Variants in OTUD7B observed in about 807,000 individuals in gnomAD.
OTUD7B encodes OTU deubiquitinase 7B.
In OTUD7B, 34 loss-of-function variants were observed where a neutral mutation model predicts 82.2. That is an observed-to-expected ratio of 0.41 (90% CI 0.31 to 0.55). The LOEUF is 0.55. OTUD7B is among the 20% of genes least tolerant of loss of function. OTUD7B has a pLI of 0.20. For missense variants in OTUD7B, 944 were observed against 1,062.1 expected (o/e 0.89, Z 1.55); for synonymous variants, 398 against 402.7 (o/e 0.99, Z 0.14).
At chr1:150,053,279 C>G in the OTUD7B span, among the ~76,000 whole-genome samples, 1 of 152,106 alleles carries the variant, frequency 6.6e-6, no homozygotes, top group Non-Finnish European at 1.5e-5. Flanking sequence ...TCAAACTATG[C>G]ATCTGACAAA....
intron 2 of OTUD7B, among the ~76,000 whole-genome samples, chr1:149,972,252 G>T (rs1649991304): frequency 6.6e-6 from 1 of 152,126 alleles, no homozygotes; most frequent in Admixed American, 6.5e-5. Flanking sequence ...AATAGTGGTT[G>T]GTTTTACTCA....
At chr1:149,958,604 G>A (rs1648897033) in intron 7 of OTUD7B, among the ~76,000 whole-genome samples, 1 of 151,906 alleles carries the variant, frequency 6.6e-6, no homozygotes, top group South Asian at 2.1e-4. Context: ...GTGAGCCACT[G>A]CGCCTGGCCA....
upstream of OTUD7B, among the ~76,000 whole-genome samples, chr1:150,011,594 G>C (rs1223417419): frequency 6.6e-6 from 1 of 152,174 alleles, no homozygotes; most frequent in African/African-American, 2.4e-5. Context: ...TTCCATATTT[G>C]TTGAATGAAT....
the OTUD7B span, among the ~76,000 whole-genome samples, chr1:150,024,268 A>G: frequency 1.3e-5 from 2 of 152,200 alleles, no homozygotes; most frequent in Non-Finnish European, 2.9e-5. Context: ...TTTGTTAAGA[A>G]TGAGACCAGG....
At chr1:150,045,794 C>A in the OTUD7B span, among the ~76,000 whole-genome samples, 1 of 152,060 alleles carries the variant, frequency 6.6e-6, no homozygotes, top group Non-Finnish European at 1.5e-5. Flanking sequence ...TACTCCATTG[C>A]CAATTTTTAT....
At chr1:149,948,230 CG>C (rs1300746019) in intron 10 of OTUD7B, among the ~76,000 whole-genome samples, 2 of 151,808 alleles carry the variant, frequency 1.3e-5, no homozygotes, top group Non-Finnish European at 2.9e-5. Context: ...CTGCCTGCCT[CG>C]GTTGCCTGTT....
At position 149,958,830 on chromosome 1, in the gene OTUD7B, G is replaced by A. The variant is rs201957864; in HGVS notation, c.845+854C>T. On this transcript the variant is annotated intron_variant, in intron 7 of 11. Coordinates refer to ENST00000581312, the MANE Select transcript of OTUD7B (RefSeq NM_020205.4). Reference sequence around the variant, plus strand: ...TGCTGTCACAACTCACTGCAGCCTCGACCTCCCCAGCTCAGGCAATCCTCC... The same window carrying A: ...TGCTGTCACAACTCACTGCAGCCTCAACCTCCCCAGCTCAGGCAATCCTCC... Among the ~76,000 whole-genome samples, 53 of 151,354 alleles carry A rather than the reference G, an allele frequency of 3.5e-4. No homozygotes were observed. In the East Asian group the frequency reaches 7.1e-3, roughly 20 times the overall value.
chr1:149,957,761 G>T (rs1252888509), intron 7 of OTUD7B, among the ~76,000 whole-genome samples: 2 of 152,174 alleles, frequency 1.3e-5, no homozygotes, highest in African/African-American at 4.8e-5. Flanking sequence ...CAGCCTCACT[G>T]CCTCCTTGCA....
the OTUD7B span, among the ~76,000 whole-genome samples, chr1:150,053,171 T>A: frequency 2.1e-4 from 32 of 152,094 alleles, no homozygotes; most frequent in South Asian, 4.4e-3. Flanking sequence ...TCGCAAAAAA[T>A]TGACAAATGG....
At chr1:149,971,424 T>C (rs1372763350) in intron 2 of OTUD7B, among the ~76,000 whole-genome samples, 173 bp from the exon 3 acceptor site, 1 of 152,206 alleles carries the variant, frequency 6.6e-6, no homozygotes, top group African/African-American at 2.4e-5. Context: ...TTATCAAATG[T>C]CTTTACTTAC....
At chr1:150,021,176 T>A in the OTUD7B span, among the ~76,000 whole-genome samples, 1 of 152,228 alleles carries the variant, frequency 6.6e-6, no homozygotes, top group Non-Finnish European at 1.5e-5. Flanking sequence ...ATGAGTCAGA[T>A]TTTTCCCCCT....
At position 149,989,079 on chromosome 1, in the gene OTUD7B, T is replaced by C. The variant is rs192622452; in HGVS notation, c.-66-11503A>G. Among the ~76,000 whole-genome samples the C allele has an allele frequency of 1.9e-3, 294 of 152,338 alleles. 1 individual carries two copies. The highest frequency in any genetic ancestry group is 6.8e-3 in the African/African-American group (281 of 41,570). On this transcript the variant is annotated intron_variant, in intron 1 of 11. Transcript: ENST00000581312. The stretch of plus-strand genomic sequence containing the variant: ...AAGAAAAAAATTCAAATTACTATAC[T>C]GTCTACTCTTGGTTATCCACAGGAA...
intron 7 of OTUD7B, among the ~76,000 whole-genome samples, chr1:149,955,369 T>A (rs1177296730): frequency 6.6e-6 from 1 of 152,248 alleles, no homozygotes; most frequent in Non-Finnish European, 1.5e-5. Context: ...AGTTTCTTAA[T>A]CCTGAGTTCT....
intron 7 of OTUD7B, among the ~76,000 whole-genome samples, chr1:149,957,609 G>C (rs1292997512): frequency 6.6e-6 from 1 of 152,224 alleles, no homozygotes; most frequent in South Asian, 2.1e-4. Flanking sequence ...GCTACCTTTT[G>C]TTCAGCTATG....
chr1:150,039,387 A>T, the OTUD7B span, among the ~76,000 whole-genome samples: 70,428 of 151,026 alleles, frequency 0.47, 19,240 homozygotes, highest in African/African-American at 0.76. Context: ...TAAAAAAAAA[A>T]TTTTTTTTGA....
intron 1 of OTUD7B, among the ~76,000 whole-genome samples, chr1:149,994,348 T>C (rs1302632366): frequency 6.6e-6 from 1 of 152,016 alleles, no homozygotes; most frequent in African/African-American, 2.4e-5. Context: ...TTTGGGAGGC[T>C]GAGGTGGGCG....
At chr1:150,054,221 G>T in the OTUD7B span, 1 of 430,186 alleles carries the variant, frequency 2.3e-6, no homozygotes, top group Non-Finnish European at 4.4e-6. Context: ...TACTGAAGAT[G>T]TGCTTTCAAA....
rs587613954 is a variant in OTUD7B at position 149,953,712 on chromosome 1, C to T, written c.846-3491G>A. ...ATGTTCTTCCATTTGTTTGTGTCCT[C>T]TTTTATTTCATTGAGCAGTGGTTTG... On this transcript the variant is annotated intron_variant, in intron 7 of 11. Coordinates refer to ENST00000581312, the MANE Select transcript of OTUD7B (RefSeq NM_020205.4). 3.3e-5 allele frequency among the ~76,000 whole-genome samples: 5 copies of T among 152,286 alleles called. No individual in the cohort carries two copies. In the South Asian group the frequency reaches 1.0e-3, roughly 32 times the overall value.
chr1:149,950,087 G>T lies in OTUD7B; in HGVS notation c.973+7C>A. The T allele has an allele frequency of 1.2e-6, 2 of 1,613,674 alleles. No homozygotes were observed. The highest frequency in any genetic ancestry group is 2.2e-5 in the South Asian group (2 of 91,074). On this transcript the variant is annotated splice_region_variant and intron_variant, in intron 8 of 11. Transcript: ENST00000581312. ...AGCATGGAGTGAGGACTGACTGGCTGACTCACCTTCCCCTCCGGAGTCCCT... is the reference window on the plus strand; with the variant it reads ...AGCATGGAGTGAGGACTGACTGGCTTACTCACCTTCCCCTCCGGAGTCCCT...
Sources: gnomAD v4.1 joint callset for allele counts (sites outside exome capture counted in the v4.1 genomes callset) on GRCh38, gnomAD v4.1.1 for gene constraint, MANE v1.5 for transcripts, NCBI Gene and HGNC (gene_info 2026-07-23, HGNC 2026-07-21) for gene names.